The following MYO3A variants were observed in gnomAD, a reference collection of about 807,000 sequenced individuals.
MYO3A encodes the protein myosin-IIIa.
MYO3A carries 180 observed loss-of-function variants against 192.7 expected under a neutral mutation model. That is an observed-to-expected ratio of 0.93 (90% CI 0.83 to 1.06). MYO3A has a LOEUF of 1.06. MYO3A is among the 50% of genes least tolerant of loss of function. MYO3A has a pLI of 0.00. For missense variants in MYO3A, 1,896 were observed against 1,905.0 expected (o/e 1.00, Z 0.09); for synonymous variants, 628 against 645.3 (o/e 0.97, Z 0.41).
chr10:25,952,331 C>G, intron 3 of MYO3A, 53 bp downstream of exon 3: 1 of 1,504,370 alleles, frequency 6.6e-7, no homozygotes, highest in Non-Finnish European at 9.2e-7. Context: ...GTATGAAACA[C>G]TTAAAAAGAC....
chr10:25,959,466 G>A (rs546780889), intron 4 of MYO3A, among the ~76,000 whole-genome samples: 1 of 152,188 alleles, frequency 6.6e-6, no homozygotes, highest in Admixed American at 6.5e-5. Context: ...GCTATACCTA[G>A]AAGAATGGCT....
intron 2 of MYO3A, among the ~76,000 whole-genome samples, chr10:25,938,894 T>A (rs1428931450): frequency 6.6e-6 from 1 of 152,156 alleles, no homozygotes; most frequent in African/African-American, 2.4e-5. Flanking sequence ...ATGAAGCAGT[T>A]ATTACTAAGG....
intron 2 of MYO3A, among the ~76,000 whole-genome samples, chr10:25,943,766 A>G (rs1478957700): frequency 1.5e-4 from 10 of 64,920 alleles, no homozygotes; most frequent in South Asian, 6.2e-4. Flanking sequence ...TAGTTCTAAC[A>G]TTTGTGTGTG....
At chr10:26,062,560 C>T (rs1834572508) in intron 10 of MYO3A, among the ~76,000 whole-genome samples, 1 of 104,954 alleles carries the variant, frequency 9.5e-6, no homozygotes. Context: ...TTAAGAGTTG[C>T]AAATAGGTAT....
At chr10:26,203,718 T>A (rs1164750813) in intron 34 of MYO3A, among the ~76,000 whole-genome samples, 1 of 152,164 alleles carries the variant, frequency 6.6e-6, no homozygotes, top group Non-Finnish European at 1.5e-5. Context: ...AAACATGACA[T>A]ATGAAAAATG....
chr10:26,007,221 T>G (rs1841286261), intron 6 of MYO3A, among the ~76,000 whole-genome samples: 1 of 150,210 alleles, frequency 6.7e-6, no homozygotes. Flanking sequence ...AGGGATTGAT[T>G]GGACGTGTCT....
chr10:25,965,313 G>A (rs1220006016), intron 4 of MYO3A, among the ~76,000 whole-genome samples: 1 of 152,170 alleles, frequency 6.6e-6, no homozygotes, highest in Non-Finnish European at 1.5e-5. Context: ...ATGGCCCAGA[G>A]TGTGTTTAGA....
intron 4 of MYO3A, among the ~76,000 whole-genome samples, chr10:25,971,143 A>G (rs1564416373): frequency 6.6e-6 from 1 of 152,098 alleles, no homozygotes. Context: ...AAAGAAGAAC[A>G]AGTATTTAAT....
At chr10:26,096,280 T>C (rs1238443255) in intron 15 of MYO3A, 101 bp from the exon 16 acceptor site, 4 of 858,490 alleles carry the variant, frequency 4.7e-6, no homozygotes, top group East Asian at 2.6e-5. Flanking sequence ...GAAAAGCCCA[T>C]ATCAGCACTC....
chr10:25,964,562 A>T (rs1267689097), intron 4 of MYO3A, among the ~76,000 whole-genome samples: 1 of 152,056 alleles, frequency 6.6e-6, no homozygotes, highest in African/African-American at 2.4e-5. Flanking sequence ...TGTCTTGAAA[A>T]GTTGTTGCAG....
intron 23 of MYO3A, among the ~76,000 whole-genome samples, chr10:26,149,810 A>G (rs1564598528): frequency 6.6e-6 from 1 of 152,188 alleles, no homozygotes; most frequent in African/African-American, 2.4e-5. Flanking sequence ...CTATGAACTT[A>G]CGTATCCTAT....
At chr10:26,202,769 A>G in intron 33 of MYO3A, 195 bp from the exon 34 acceptor site, 2 of 561,692 alleles carry the variant, frequency 3.6e-6, no homozygotes, top group Admixed American at 3.2e-5. Context: ...TGTTCAAGGT[A>G]AGATATGAAG....
At chr10:26,167,321 T>G (rs1345251661) in intron 27 of MYO3A, among the ~76,000 whole-genome samples, 1 of 152,144 alleles carries the variant, frequency 6.6e-6, no homozygotes, top group Non-Finnish European at 1.5e-5. Flanking sequence ...CACCTTAAAC[T>G]GAGTGTCCTG....
chr10:26,157,704 T>TG (rs1564606440), intron 26 of MYO3A, among the ~76,000 whole-genome samples, 189 bp downstream of exon 26: 1 of 152,038 alleles, frequency 6.6e-6, no homozygotes, highest in Non-Finnish European at 1.5e-5. Flanking sequence ...GACAGATGGG[T>TG]GGTACTATGT....
intron 10 of MYO3A, among the ~76,000 whole-genome samples, chr10:26,032,374 T>C (rs1028315429): frequency 6.6e-6 from 1 of 152,312 alleles, no homozygotes; most frequent in East Asian, 1.9e-4. Flanking sequence ...CCCAGCACTT[T>C]GGGAGGCCGA....
At position 26,102,562 on chromosome 10, in the gene MYO3A, A is replaced by G. The variant is rs1392237683; in HGVS notation, c.1776+5880A>G. Among the ~76,000 whole-genome samples, 6 of 152,110 alleles carry G rather than the reference A, an allele frequency of 3.9e-5. No individual in the cohort carries two copies. The East Asian group carries it at 1.2e-3, about 29-fold the overall frequency. ...CTACCTTTGGTCTTTAATGATGGTGATGTACAGATGGGCTTTTGGTGTGTA... is the reference window on the plus strand; with the variant it reads ...CTACCTTTGGTCTTTAATGATGGTGGTGTACAGATGGGCTTTTGGTGTGTA... On this transcript the variant is annotated intron_variant, in intron 17 of 34. Coordinates refer to ENST00000642920, the MANE Select transcript of MYO3A (RefSeq NM_017433.5).
At chr10:26,036,034 C>T (rs577303358) in intron 10 of MYO3A, among the ~76,000 whole-genome samples, 4 of 152,032 alleles carry the variant, frequency 2.6e-5, no homozygotes, top group African/African-American at 9.6e-5. Context: ...CCCGGGTTCA[C>T]ACCATTCTCC....
Position 25,956,402 on chromosome 10 carries a change from C to A in MYO3A, c.303+1394C>A, listed in dbSNP as rs1177281399. On this transcript the variant is annotated intron_variant, in intron 4 of 34. Transcript: ENST00000642920. ...CTGGAGTGCAGTGGCACAATCTCAG[C>A]TCACTGCAACAGCCTCCTGAGTTCA... Among the ~76,000 whole-genome samples, 5 of 151,016 alleles carry A rather than the reference C, an allele frequency of 3.3e-5. No individual in the cohort carries two copies. The East Asian group carries it at 9.7e-4, about 29-fold the overall frequency.
chr10:26,196,513 C>A (rs1843413982), intron 32 of MYO3A, among the ~76,000 whole-genome samples: 1 of 152,106 alleles, frequency 6.6e-6, no homozygotes, highest in African/African-American at 2.4e-5. Context: ...AAATCTATGA[C>A]TTCAATGAAA....
Sources: allele counts gnomAD v4.1 joint callset (sites outside exome capture counted in the v4.1 genomes callset), GRCh38; gene constraint gnomAD v4.1.1; transcripts MANE v1.5; gene names NCBI Gene and HGNC (gene_info 2026-07-23, HGNC 2026-07-21).